The following HAVCR1 variants were observed in gnomAD, a reference collection of about 807,000 sequenced individuals.
HAVCR1 encodes the protein hepatitis A virus cellular receptor 1.
A neutral mutation model predicts 32.0 loss-of-function variants in HAVCR1; 34 were observed. The ratio of observed to expected loss-of-function variants is 1.06; its 90% CI spans 0.81 to 1.42. The LOEUF (loss-of-function observed/expected upper bound fraction) is 1.42. HAVCR1 is among the 40% of genes most tolerant of loss of function. HAVCR1 has a pLI of 0.00. For missense variants in HAVCR1, 420 were observed against 442.3 expected, an observed-to-expected ratio of 0.95 and a Z score of 0.45; for synonymous variants, 178 against 170.3, an observed-to-expected ratio of 1.05 and a Z score of -0.35.
At chr5:157,036,007 C>T (rs1412849097) in intron 7 of HAVCR1, among the ~76,000 whole-genome samples, 1 of 152,092 alleles carries the variant, frequency 6.6e-6, no homozygotes, top group African/African-American at 2.4e-5. Context: ...AATCAAGGGG[C>T]TCTGGAACCA....
At chr5:157,051,151 G>A (rs1755713205) in intron 4 of HAVCR1, among the ~76,000 whole-genome samples, 1 of 152,088 alleles carries the variant, frequency 6.6e-6, no homozygotes, top group African/African-American at 2.4e-5. Flanking sequence ...TAAATCTAAT[G>A]TCTTATTTAC....
chr5:157,063,624 T>G (rs547431828), upstream of HAVCR1, among the ~76,000 whole-genome samples: 42 of 152,270 alleles, frequency 2.8e-4, no homozygotes, highest in South Asian at 8.3e-3. Context: ...ATATACAGAT[T>G]TTTAAAACAT....
chr5:157,055,552 A>T lies in HAVCR1; in HGVS notation c.47-19T>A. The T allele has an allele frequency of 6.9e-7, 1 of 1,448,950 alleles. No individual in the cohort carries two copies. Among genetic ancestry groups the T allele is most frequent in the Non-Finnish European group, 9.4e-7 (1 of 1,058,904 alleles). The allele number at this position is 1,448,950 out of a possible 1,614,324, so 89.8% of individuals were successfully genotyped here. ...ACAGAATCTGCAAAGAAGAAAAGAC[A>T]AACTGAGAATGAGCCCTCACTATTT... On this transcript the variant is annotated intron_variant, in intron 2 of 8. Transcript: ENST00000523175.
intron 6 of HAVCR1, 97 bp downstream of exon 6, chr5:157,042,530 G>T: frequency 1.6e-6 from 1 of 632,390 alleles, no homozygotes. Context: ...AAAAAATTCT[G>T]TGGGCTAGTC....
chr5:157,066,653 A>G, the HAVCR1 span, among the ~76,000 whole-genome samples: 1 of 152,144 alleles, frequency 6.6e-6, no homozygotes, highest in Non-Finnish European at 1.5e-5. Context: ...AAGTAAACAG[A>G]GGAGTGTGAT....
At chr5:157,033,281 G>A (rs1436786150) in intron 7 of HAVCR1, among the ~76,000 whole-genome samples, 2 of 152,036 alleles carry the variant, frequency 1.3e-5, no homozygotes, top group South Asian at 4.2e-4. Context: ...TCTATCAAAG[G>A]ATACTTTTGC....
rs1296679975 is a variant in HAVCR1 at position 157,029,592 on chromosome 5, C to T, written c.*141G>A. The T allele has an allele frequency of 1.3e-6, 2 of 1,538,094 alleles. No individual in the cohort carries two copies. The highest frequency in any genetic ancestry group is 2.4e-5 in the East Asian group (1 of 40,998). On this transcript the variant is annotated 3_prime_UTR_variant, in exon 9 of 9. Transcript: ENST00000523175. ...GTTTGGAGTGAGAGAGTTACTCTAC[C>T]CAGTATCACTGACATGTTGGAATGC...
At chr5:157,046,456 T>A (rs1185695256) in intron 5 of HAVCR1, among the ~76,000 whole-genome samples, 1 of 152,180 alleles carries the variant, frequency 6.6e-6, no homozygotes, top group African/African-American at 2.4e-5. Flanking sequence ...GAGCAGAGAC[T>A]CTAAGAGGCC....
intron 5 of HAVCR1, among the ~76,000 whole-genome samples, chr5:157,044,701 G>A (rs988448513): frequency 9.9e-5 from 15 of 151,482 alleles, no homozygotes; most frequent in African/African-American, 2.9e-4. Context: ...AGGAAGGAAG[G>A]AAGGAGAAAA....
chr5:157,049,114 T>C lies in HAVCR1; in HGVS notation c.705A>G (p.Ala235=). The C allele has an allele frequency of 6.2e-7, 1 of 1,612,762 alleles. No individual in the cohort carries two copies. Among genetic ancestry groups the C allele is most frequent in the Non-Finnish European group, 8.5e-7 (1 of 1,178,738 alleles). The stretch of plus-strand genomic sequence containing the variant: ...CCTGCAGTGTCGTAGGGTGGGTTTC[T>C]GCTGGCTGAGGTGAAGATGGTGAAG... ...VATSPSSPQP[A]ETHPTTLQGA... Residue 235 remains alanine (A), a synonymous_variant, in exon 5 of 9, where the codon GCA becomes GCG. Transcript: ENST00000523175.
At chr5:157,030,786 C>T (rs1424634954) in intron 8 of HAVCR1, among the ~76,000 whole-genome samples, 1 of 152,150 alleles carries the variant, frequency 6.6e-6, no homozygotes, top group Non-Finnish European at 1.5e-5. Flanking sequence ...CCAAAGCCTG[C>T]CCCCAAAATA....
At chr5:157,058,450 C>G (rs1756362270) in intron 1 of HAVCR1, 1 of 153,654 alleles carries the variant, frequency 6.5e-6, no homozygotes, top group South Asian at 2.0e-4. Flanking sequence ...GTAGTCCCAG[C>G]TACTCGGGAG....
rs545215261 is a variant in HAVCR1 at position 157,055,042 on chromosome 5, T to C, written c.379+159A>G. Among the ~76,000 whole-genome samples, 7 of 151,998 alleles carry C rather than the reference T, an allele frequency of 4.6e-5. No homozygotes were observed. In the East Asian group the frequency reaches 7.8e-4, roughly 17 times the overall value. On this transcript the variant is annotated intron_variant, in intron 3 of 8. Coordinates refer to ENST00000523175, the MANE Select transcript of HAVCR1 (RefSeq NM_001173393.3). ...TGACCTTGAATTATGCTTGGCCTTGTAACTTCATCTACACAAAAGTTATTC... is the reference window on the plus strand; with the variant it reads ...TGACCTTGAATTATGCTTGGCCTTGCAACTTCATCTACACAAAAGTTATTC...
chr5:157,062,292 G>A (rs931253978), upstream of HAVCR1, among the ~76,000 whole-genome samples: 5 of 152,152 alleles, frequency 3.3e-5, no homozygotes, highest in South Asian at 4.1e-4. Flanking sequence ...AGAATTGCTC[G>A]AACCCGGGAG....
intron 7 of HAVCR1, among the ~76,000 whole-genome samples, chr5:157,035,756 T>C (rs2113496449): frequency 1.3e-5 from 2 of 152,172 alleles, no homozygotes; most frequent in South Asian, 4.2e-4. Context: ...GTCCACAGGT[T>C]TGGCATCCTC....
chr5:157,035,567 C>T (rs1754475794), intron 7 of HAVCR1, among the ~76,000 whole-genome samples: 1 of 152,124 alleles, frequency 6.6e-6, no homozygotes, highest in Admixed American at 6.5e-5. Context: ...CCCAGTGTCT[C>T]ATGTGCCTCT....
chr5:157,034,759 G>T (rs1019240315), intron 7 of HAVCR1, among the ~76,000 whole-genome samples: 5 of 151,900 alleles, frequency 3.3e-5, no homozygotes, highest in Non-Finnish European at 5.9e-5. Context: ...CAAGCATACT[G>T]CCTGCAAACA....
At chr5:157,043,202 T>C (rs1755018884) in intron 5 of HAVCR1, among the ~76,000 whole-genome samples, 1 of 152,216 alleles carries the variant, frequency 6.6e-6, no homozygotes, top group Admixed American at 6.5e-5. Context: ...TTGTTGCCGA[T>C]GTGCTTACAT....
chr5:157,056,008 G>A (rs577717318), intron 2 of HAVCR1, among the ~76,000 whole-genome samples: 30 of 151,766 alleles, frequency 2.0e-4, no homozygotes, highest in East Asian at 3.9e-4. Context: ...GTGCAGTGGC[G>A]CAAAGATCTT....
Sources: gnomAD v4.1 joint callset for allele counts (sites outside exome capture counted in the v4.1 genomes callset) on GRCh38, gnomAD v4.1.1 for gene constraint, MANE v1.5 for transcripts, NCBI Gene and HGNC (gene_info 2026-07-23, HGNC 2026-07-21) for gene names.